The following GPM6A variants were observed in gnomAD, a reference collection of about 807,000 sequenced individuals.
The protein encoded by GPM6A is neuronal membrane glycoprotein M6-a.
Under a neutral mutation model 32.1 loss-of-function variants are expected in GPM6A, and 7 were observed. The observed-to-expected ratio is 0.22, with a 90% CI of 0.12 to 0.41. The LOEUF is 0.41. GPM6A is among the 10% of genes least tolerant of loss of function. The pLI is 1.00. For missense variants in GPM6A, 235 were observed against 347.2 expected (o/e 0.68, Z 2.57); for synonymous variants, 130 against 123.4 (o/e 1.05, Z -0.35).
At chr4:175,752,389 G>A (rs79657465) in intron 1 of GPM6A, among the ~76,000 whole-genome samples, 2 of 152,052 alleles carry the variant, frequency 1.3e-5, no homozygotes, top group African/African-American at 2.4e-5. Context: ...TATCTGCAAG[G>A]CCGAGCCTTT....
chr4:175,637,289 AAT>A (rs1740738033), intron 6 of GPM6A, among the ~76,000 whole-genome samples: 1 of 28,908 alleles, frequency 3.5e-5, no homozygotes, highest in Non-Finnish European at 6.0e-5. Flanking sequence ...TATTATATAA[AAT>A]ATATATTATA....
chr4:175,860,127 G>A (rs1443199854), intron 1 of GPM6A, among the ~76,000 whole-genome samples: 2 of 151,702 alleles, frequency 1.3e-5, no homozygotes, highest in African/African-American at 4.8e-5. Flanking sequence ...CTAAGCTGTT[G>A]TCTTGAGACA....
At chr4:175,997,782 T>G (rs1202833261) in intron 1 of GPM6A, among the ~76,000 whole-genome samples, 1 of 152,250 alleles carries the variant, frequency 6.6e-6, no homozygotes, top group Non-Finnish European at 1.5e-5. Flanking sequence ...GTTACTCAAA[T>G]TGAGTAAGAG....
chr4:175,808,531 C>T (rs1357666024), intron 1 of GPM6A: 1 of 152,110 alleles, frequency 6.6e-6, no homozygotes, highest in Non-Finnish European at 1.5e-5. Flanking sequence ...TAAGGATGAA[C>T]AATGACCATT....
In GPM6A at chr4:175,826,836, T is replaced by G. The variant is rs184130897; in HGVS notation, c.-22-14587A>C. 5.4e-3 allele frequency among the ~76,000 whole-genome samples: 815 copies of G among 150,732 alleles called. 9 individuals are homozygous for G. The highest frequency in any genetic ancestry group is 9.6e-3 in the Non-Finnish European group (650 of 67,710). ...TAGCCTTTTAGGAAAAAAAAAAGAGTCCTAATGTTGATTTATTTCTTTATT... is the reference window on the plus strand; with the variant it reads ...TAGCCTTTTAGGAAAAAAAAAAGAGGCCTAATGTTGATTTATTTCTTTATT... On this transcript the variant is annotated intron_variant, in intron 1 of 7. Coordinates refer to the GPM6A transcript ENST00000280187.
At chr4:175,942,787 A>G (rs1739455498) in intron 1 of GPM6A, among the ~76,000 whole-genome samples, 1 of 152,140 alleles carries the variant, frequency 6.6e-6, no homozygotes, top group South Asian at 2.1e-4. Context: ...GTAGCCTTGT[A>G]GTATAGTTTG....
At chr4:175,707,552 T>C (rs1474540820) in intron 1 of GPM6A, among the ~76,000 whole-genome samples, 1 of 152,232 alleles carries the variant, frequency 6.6e-6, no homozygotes, top group Non-Finnish European at 1.5e-5. Flanking sequence ...ATTCTTTCAT[T>C]GATTCTGTGA....
intron 1 of GPM6A, among the ~76,000 whole-genome samples, chr4:175,942,009 G>A (rs1420922311): frequency 1.3e-5 from 2 of 152,158 alleles, no homozygotes; most frequent in African/African-American, 4.8e-5. Context: ...ATGTAAAAGT[G>A]TTTCTATTTC....
chr4:175,758,783 C>CA (rs1309757106), intron 1 of GPM6A, among the ~76,000 whole-genome samples: 3 of 151,900 alleles, frequency 2.0e-5, no homozygotes, highest in Non-Finnish European at 4.4e-5. Flanking sequence ...GCAGGGGATA[C>CA]AAAATCACAC....
chr4:175,880,833 AG>A (rs1737249905), intron 1 of GPM6A, among the ~76,000 whole-genome samples: 1 of 152,212 alleles, frequency 6.6e-6, no homozygotes, highest in Non-Finnish European at 1.5e-5. Flanking sequence ...TTCTGCAAAC[AG>A]GGACAATTTG....
chr4:175,675,325 T>C (rs1331838785), intron 2 of GPM6A, among the ~76,000 whole-genome samples: 2 of 151,710 alleles, frequency 1.3e-5, no homozygotes, highest in Non-Finnish European at 2.9e-5. Context: ...AACAGCCAGT[T>C]AAATGCAGAT....
At chr4:175,666,065 C>T (rs1194497655) in intron 3 of GPM6A, among the ~76,000 whole-genome samples, 3 of 151,486 alleles carry the variant, frequency 2.0e-5, no homozygotes, top group African/African-American at 4.8e-5. Context: ...ATTACAGGTG[C>T]CCACCACCAC....
chr4:175,972,041 G>A (rs1740519286), intron 1 of GPM6A: 1 of 152,096 alleles, frequency 6.6e-6, no homozygotes, highest in Non-Finnish European at 1.5e-5. Context: ...GTCACGTGCA[G>A]TGTCTTTGAC....
upstream of GPM6A, among the ~76,000 whole-genome samples, chr4:175,815,162 C>A (rs768865508): frequency 1.3e-5 from 2 of 152,074 alleles, no homozygotes; most frequent in Non-Finnish European, 2.9e-5. Flanking sequence ...AGGCATGCAC[C>A]ACCACACCCA....
At chr4:175,904,823 G>A (rs982182204) in intron 1 of GPM6A, among the ~76,000 whole-genome samples, 4 of 152,028 alleles carry the variant, frequency 2.6e-5, no homozygotes, top group African/African-American at 9.7e-5. Context: ...TACATCAAAA[G>A]TAACCAAAGA....
At chr4:175,739,186 T>C (rs1394973591) in intron 1 of GPM6A, among the ~76,000 whole-genome samples, 1 of 152,194 alleles carries the variant, frequency 6.6e-6, no homozygotes, top group Non-Finnish European at 1.5e-5. Context: ...GTTCTTTGCC[T>C]GAATTTTAAA....
At chr4:175,982,425 T>C (rs1052137598) in intron 1 of GPM6A, among the ~76,000 whole-genome samples, 1 of 152,186 alleles carries the variant, frequency 6.6e-6, no homozygotes, top group Non-Finnish European at 1.5e-5. Context: ...CTTTATAATG[T>C]ACAAGTTAGG....
At chr4:175,743,274 A>T (rs1731962710) in intron 1 of GPM6A, among the ~76,000 whole-genome samples, 1 of 152,094 alleles carries the variant, frequency 6.6e-6, no homozygotes, top group South Asian at 2.1e-4. Context: ...AGGCAGACAG[A>T]GTTAAAGTAG....
intron 1 of GPM6A, among the ~76,000 whole-genome samples, chr4:175,755,044 CA>C (rs113012717): frequency 0.095 from 14,353 of 151,870 alleles, 737 homozygotes; most frequent in East Asian, 0.13. Context: ...AAAAAATCTT[CA>C]AAAAAATTTT....
Sources: allele counts gnomAD v4.1 joint callset (sites outside exome capture counted in the v4.1 genomes callset), GRCh38; gene constraint gnomAD v4.1.1; transcripts MANE v1.5; gene names NCBI Gene and HGNC (gene_info 2026-07-23, HGNC 2026-07-21).